Variants in RMDN2 observed in about 807,000 individuals in gnomAD.
RMDN2 encodes regulator of microtubule dynamics 2.
Under a neutral mutation model 52.8 loss-of-function variants are expected in RMDN2, and 61 were observed. That is an observed-to-expected ratio of 1.16 (90% confidence interval 0.94 to 1.43). The LOEUF (loss-of-function observed/expected upper bound fraction) is 1.43. Among genes scored for constraint, RMDN2 ranks in the 40% most tolerant of loss-of-function variants. The pLI is 0.00. For missense variants in RMDN2, 592 were observed against 475.3 expected, an observed-to-expected ratio of 1.25 and a Z score of -2.28; for synonymous variants, 180 against 153.1, an observed-to-expected ratio of 1.18 and a Z score of -1.30.
chr2:38,025,617 T>TA (rs1332291550), intron 10 of RMDN2, among the ~76,000 whole-genome samples: 3 of 152,120 alleles, frequency 2.0e-5, no homozygotes, highest in Non-Finnish European at 4.4e-5. Flanking sequence ...TTTTTGGAGA[T>TA]ACGCTTTTTC....
rs13414810 is a variant in RMDN2 at position 37,938,309 on chromosome 2, G to C, written c.452+8580G>C. ...GGATTTGGTTTGCCAGTATTTTATT[G>C]AGGATTTTTGCATCAATCTTCATCA... On this transcript the variant is annotated intron_variant, in intron 2 of 10. Transcript: ENST00000354545. Among the ~76,000 whole-genome samples the C allele has an allele frequency of 3.5e-3, 539 of 152,304 alleles. 1 individual carries two copies. Among genetic ancestry groups the C allele is most frequent in the African/African-American group, 0.012 (491 of 41,560 alleles).
At chr2:37,991,318 T>C in intron 7 of RMDN2, 21 bp downstream of exon 7, 2 of 1,255,078 alleles carry the variant, frequency 1.6e-6, no homozygotes, top group Non-Finnish European at 2.2e-6. Context: ...TGCCTTTATT[T>C]ATAAACTTTA....
At chr2:37,924,326 G>A (rs371000373), upstream of RMDN2, among the ~76,000 whole-genome samples, 128 of 152,312 alleles carry the variant, frequency 8.4e-4, no homozygotes, top group African/African-American at 2.7e-3. Context: ...ACCTAAGCTT[G>A]AGGCAGTAAT....
chr2:37,928,947 T>C lies in RMDN2; in HGVS notation c.-16-315T>C, dbSNP rs557983857. The C allele has an allele frequency of 3.0e-5, 5 of 165,830 alleles. No homozygotes were observed. In the East Asian group the frequency reaches 8.4e-4, roughly 28 times the overall value. 10.3% of individuals were successfully genotyped at this position (165,830 alleles called of 1,614,324 possible). On this transcript the variant is annotated intron_variant, in intron 1 of 10. Transcript: ENST00000354545. ...CTTCTTTTGGACCAAGTGAGTATCT[T>C]TAGTGTTCCATTTTTATCTCTATTA...
intron 2 of RMDN2, among the ~76,000 whole-genome samples, chr2:37,942,680 T>C (rs916790910): frequency 2.0e-5 from 3 of 152,134 alleles, no homozygotes; most frequent in Admixed American, 6.5e-5. Flanking sequence ...ACGATCAAAC[T>C]TTTCATCATT....
chr2:38,040,043 T>TTTATTATTA (rs1278981951), intron 10 of RMDN2, among the ~76,000 whole-genome samples: 3 of 85,278 alleles, frequency 3.5e-5, no homozygotes, highest in Admixed American at 1.5e-4. Context: ...TGTGTCTAGA[T>TTTATTATTA]TCATTATTAT....
At chr2:37,955,829 A>G (rs540594153) in intron 2 of RMDN2, among the ~76,000 whole-genome samples, 6 of 152,268 alleles carry the variant, frequency 3.9e-5, no homozygotes, top group Admixed American at 3.9e-4. Context: ...GCAGCATAAA[A>G]ACAGACTAAT....
intron 7 of RMDN2, among the ~76,000 whole-genome samples, chr2:37,992,526 C>T (rs1674946387): frequency 6.6e-6 from 1 of 152,178 alleles, no homozygotes; most frequent in Non-Finnish European, 1.5e-5. Flanking sequence ...ACATGTTTTA[C>T]TTACTGTTTC....
chr2:38,066,641 A>C (rs1682294266), intron 10 of RMDN2, among the ~76,000 whole-genome samples: 1 of 152,190 alleles, frequency 6.6e-6, no homozygotes, highest in African/African-American at 2.4e-5. Flanking sequence ...CGCCTGTCTT[A>C]CTTATGTCCA....
chr2:38,061,423 C>T (rs1242210898), intron 10 of RMDN2, among the ~76,000 whole-genome samples: 1 of 152,152 alleles, frequency 6.6e-6, no homozygotes, highest in Non-Finnish European at 1.5e-5. Context: ...TCAGACTGCC[C>T]TGATTTTGTG....
In RMDN2 at chr2:38,043,430, C is replaced by A. The variant is rs77811763; in HGVS notation, c.1714-23552C>A. The stretch of plus-strand genomic sequence containing the variant: ...AGGCCACATATAGTCAGATCCAATC[C>A]ATTCTGACAGTCTCTGTTTTTTAAT... On this transcript the variant is annotated intron_variant, in intron 10 of 10. Coordinates refer to the RMDN2 transcript ENST00000234195. Among the ~76,000 whole-genome samples the A allele has an allele frequency of 1.0e-3, 155 of 152,190 alleles. 2 individuals are homozygous for A. In the East Asian group the frequency reaches 0.018, roughly 17 times the overall value.
intron 10 of RMDN2, among the ~76,000 whole-genome samples, chr2:38,009,895 G>C (rs897409090): frequency 1.3e-5 from 2 of 152,054 alleles, no homozygotes; most frequent in Admixed American, 6.6e-5. Context: ...TTTTGGTGTG[G>C]ATGTCCTTTC....
At chr2:37,920,914 T>C (rs1473097062), upstream of RMDN2, among the ~76,000 whole-genome samples, 1 of 152,256 alleles carries the variant, frequency 6.6e-6, no homozygotes, top group Non-Finnish European at 1.5e-5. Context: ...ATTCTTTTCT[T>C]GAATCATCAC....
chr2:37,974,289 A>G (rs1041852660), intron 3 of RMDN2, 75 bp downstream of exon 3: 16 of 938,846 alleles, frequency 1.7e-5, no homozygotes, highest in African/African-American at 5.1e-5. Context: ...AGTTATAACT[A>G]TAATAATTGT....
At chr2:37,926,559 T>TA (rs1487692024) in intron 1 of RMDN2, among the ~76,000 whole-genome samples, 2 of 151,442 alleles carry the variant, frequency 1.3e-5, no homozygotes, top group Non-Finnish European at 2.9e-5. Flanking sequence ...ATTAAAATAT[T>TA]AGAGTTTTAA....
chr2:38,056,791 G>A (rs1276439770), intron 10 of RMDN2, among the ~76,000 whole-genome samples: 1 of 152,180 alleles, frequency 6.6e-6, no homozygotes, highest in African/African-American at 2.4e-5. Flanking sequence ...AATTAAGCAA[G>A]GGTTTTAAGT....
At chr2:37,925,248 G>A (rs1666168582), upstream of RMDN2, 1 of 152,362 alleles carries the variant, frequency 6.6e-6, no homozygotes, top group Non-Finnish European at 1.5e-5. Context: ...GGGAGCGGGG[G>A]GCCGAGCGGC....
At chr2:37,999,274 CCT>C (rs201080760) in intron 8 of RMDN2, among the ~76,000 whole-genome samples, 1,961 of 152,232 alleles carry the variant, frequency 0.013, 47 homozygotes, top group African/African-American at 0.044. Context: ...AATTGCTTAA[CCT>C]CTCTCTCAGT....
chr2:37,977,457 T>A (rs369857820), intron 4 of RMDN2, among the ~76,000 whole-genome samples: 38 of 141,158 alleles, frequency 2.7e-4, no homozygotes, highest in Non-Finnish European at 5.4e-4. Context: ...GGCGGCTGGC[T>A]GGGCGGGGGC....
Sources: allele counts gnomAD v4.1 joint callset (sites outside exome capture counted in the v4.1 genomes callset), GRCh38; gene constraint gnomAD v4.1.1; transcripts MANE v1.5; gene names NCBI Gene and HGNC (gene_info 2026-07-23, HGNC 2026-07-21).